PLA2G4C: variants seen among roughly 807,000 people sequenced by gnomAD.
The protein encoded by PLA2G4C is cytosolic phospholipase A2 gamma.
Under a neutral mutation model 73.8 loss-of-function variants are expected in PLA2G4C, and 64 were observed. That is an observed-to-expected ratio of 0.87 (90% CI 0.71 to 1.07). The LOEUF is 1.07. PLA2G4C is among the 50% of genes least tolerant of loss of function. The pLI is 0.00. For synonymous variants in PLA2G4C, 254 were observed against 252.1 expected (o/e 1.01, Z -0.07); for missense variants, 622 against 665.4 (o/e 0.93, Z 0.72).
Position 48,061,993 on chromosome 19 carries a change from A to C in PLA2G4C, c.1257+5T>G. 6.2e-7 allele frequency: 1 copy of C among 1,613,586 alleles called. No homozygotes were observed. Among genetic ancestry groups the C allele is most frequent in the Non-Finnish European group, 8.5e-7 (1 of 1,179,836 alleles). ...AGGACCGGCCCCAAAGCCCTTCTCG[A>C]TTACCTCGAAAGGATCTCCGGCACT... is the stretch of plus-strand genomic sequence containing the variant. On this transcript the variant is annotated splice_donor_5th_base_variant and intron_variant, in intron 14 of 16. Transcript: ENST00000599921.
chr19:48,090,166 C>T, intron 8 of PLA2G4C, 198 bp downstream of exon 8: 4 of 555,576 alleles, frequency 7.2e-6, no homozygotes, highest in Non-Finnish European at 1.3e-5. Flanking sequence ...GAGCAACATT[C>T]CTTCCAAGGG....
intron 4 of PLA2G4C, among the ~76,000 whole-genome samples, chr19:48,103,676 A>G (rs944472205): frequency 1.3e-5 from 2 of 152,190 alleles, no homozygotes; most frequent in Non-Finnish European, 2.9e-5. Flanking sequence ...AGACAGTCCT[A>G]CACGGATTAA....
At position 48,099,845 on chromosome 19, in the gene PLA2G4C, G is replaced by A; in HGVS notation, c.273C>T (p.Leu91=). The change falls in exon 5 of 17, where the codon CTC becomes CTT. Residue 91 remains leucine (L), a synonymous_variant. Coordinates refer to ENST00000599921, the MANE Select transcript of PLA2G4C (RefSeq NM_003706.3). ...VSGSTWAISS[L]YTNDGDMEAL... ...CTTCCATGTCACCATCATTGGTGTA[G>A]AGAGAAGATATTGCCCTGGAGGACA... 6.2e-7 allele frequency: 1 copy of A among 1,612,398 alleles called. No homozygotes were observed. The highest frequency in any genetic ancestry group is 1.1e-5 in the South Asian group (1 of 90,992).
chr19:48,057,224 G>A (rs1407244176), intron 14 of PLA2G4C, among the ~76,000 whole-genome samples: 1 of 151,962 alleles, frequency 6.6e-6, no homozygotes, highest in Non-Finnish European at 1.5e-5. Flanking sequence ...CAAGAAAAAG[G>A]GCATTTCTCC....
intron 9 of PLA2G4C, among the ~76,000 whole-genome samples, chr19:48,087,875 G>A (rs2031072951): frequency 6.6e-6 from 1 of 151,636 alleles, no homozygotes; most frequent in African/African-American, 2.4e-5. Context: ...CGGAGGTTGT[G>A]GGGTGAGCTG....
intron 2 of PLA2G4C, 148 bp from the exon 3 acceptor site, chr19:48,105,592 A>T (rs1406110304): frequency 1.6e-6 from 1 of 620,032 alleles, no homozygotes; most frequent in Non-Finnish European, 2.9e-6. Context: ...AAATATTCTG[A>T]AACTAGATAG....
At chr19:48,093,317 A>G (rs760248140) in intron 7 of PLA2G4C, among the ~76,000 whole-genome samples, 15 of 152,104 alleles carry the variant, frequency 9.9e-5, no homozygotes, top group Non-Finnish European at 2.1e-4. Context: ...TTCTTCATCC[A>G]TCTCCAGGTT....
At chr19:48,080,993 CA>C (rs34388817) in intron 10 of PLA2G4C, among the ~76,000 whole-genome samples, 4,925 of 102,866 alleles carry the variant, frequency 0.048, 219 homozygotes, top group African/African-American at 0.16. Context: ...ACTAAAAATA[CA>C]AAAAAAAAAA....
Position 48,098,236 on chromosome 19 carries a change from A to G in PLA2G4C, c.471T>C (p.Asn157=), listed in dbSNP as rs147177139. 1 of 1,613,042 alleles carries G rather than the reference A, an allele frequency of 6.2e-7. No homozygotes were observed. The highest frequency in any genetic ancestry group is 8.5e-7 in the Non-Finnish European group (1 of 1,179,532). Residue 157 remains asparagine (N), a synonymous_variant, in exon 6 of 17, where the codon AAT becomes AAC. Coordinates refer to ENST00000599921, the MANE Select transcript of PLA2G4C (RefSeq NM_003706.3). The part of the protein sequence containing the change: ...TRELPESHLS[N]MKKPVEEGTL... Reference sequence around the variant, plus strand: ...TCCCTTCTTCCACGGGCTTCTTCATATTGGACAAATGAGACTCCGGCAGCT... The same window carrying G: ...TCCCTTCTTCCACGGGCTTCTTCATGTTGGACAAATGAGACTCCGGCAGCT...
intron 16 of PLA2G4C, among the ~76,000 whole-genome samples, chr19:48,050,226 G>A (rs533113212): frequency 6.6e-6 from 1 of 152,156 alleles, no homozygotes; most frequent in South Asian, 2.1e-4. Context: ...GGCCTCTGTG[G>A]TACTTTTTAA....
Position 48,078,871 on chromosome 19 carries a change from CT to C in PLA2G4C, c.845-1048del, listed in dbSNP as rs33976382. 9.1e-3 allele frequency among the ~76,000 whole-genome samples: 1,253 copies of C among 137,922 alleles called. 11 individuals carry two copies. The highest frequency in any genetic ancestry group is 0.055 in the Middle Eastern group (15 of 274). The allele number at this position is 137,922 out of a possible 152,430, so 90.5% of individuals were successfully genotyped here. On this transcript the variant is annotated intron_variant, in intron 10 of 16. Coordinates refer to ENST00000599921, the MANE Select transcript of PLA2G4C (RefSeq NM_003706.3). ...TCACAGAACAAAAAATCCTAAAATC[CT>C]TTTTTTTTTTTTTTTGAGACTTAGT... is the stretch of plus-strand genomic sequence containing the variant.
At chr19:48,054,422 G>A (rs2122433193) in intron 15 of PLA2G4C, among the ~76,000 whole-genome samples, 1 of 152,088 alleles carries the variant, frequency 6.6e-6, no homozygotes, top group East Asian at 1.9e-4. Flanking sequence ...TCCTGCCTCA[G>A]CCTCCTGAGT....
At chr19:48,067,672 C>A (rs1968487745) in intron 13 of PLA2G4C, 119 bp downstream of exon 13, 2 of 742,158 alleles carry the variant, frequency 2.7e-6, no homozygotes, top group East Asian at 4.9e-5. Context: ...TGACACCACC[C>A]CCCTCCAAAG....
chr19:48,050,152 C>T (rs1303573912), intron 16 of PLA2G4C, among the ~76,000 whole-genome samples: 2 of 152,100 alleles, frequency 1.3e-5, no homozygotes, highest in African/African-American at 4.8e-5. Context: ...GAACTCCTGA[C>T]CTCATGATCT....
At position 48,072,942 on chromosome 19, in the gene PLA2G4C, T is replaced by A. The variant is rs544298247; in HGVS notation, c.1006+1825A>T. 6.6e-6 allele frequency: 1 copy of A among 152,326 alleles called. No homozygotes were observed. The highest frequency in any genetic ancestry group is 2.4e-5 in the African/African-American group (1 of 41,564). 9.4% of individuals were successfully genotyped at this position (152,326 alleles called of 1,614,324 possible). On this transcript the variant is annotated intron_variant, in intron 12 of 16. Transcript: ENST00000599921. The surrounding 1 kb of genome is among the most constrained non-coding windows in gnomAD (Gnocchi z 4.4). The stretch of plus-strand genomic sequence containing the variant: ...GGGTCATCTCAGGAAGGCAGTGGCT[T>A]CAGCGACCAACTGTCTTCATTGTCC...
chr19:48,106,031 C>T (rs776156880), intron 2 of PLA2G4C, among the ~76,000 whole-genome samples: 2 of 140,976 alleles, frequency 1.4e-5, no homozygotes, highest in Non-Finnish European at 3.0e-5. Flanking sequence ...GAGTCTCGCT[C>T]TGTTGCCCAG....
At chr19:48,078,263 C>A (rs2030304184) in intron 10 of PLA2G4C, among the ~76,000 whole-genome samples, 1 of 152,124 alleles carries the variant, frequency 6.6e-6, no homozygotes, top group Non-Finnish European at 1.5e-5. Flanking sequence ...CAACATTACA[C>A]TGAACAGGGA....
intron 10 of PLA2G4C, among the ~76,000 whole-genome samples, chr19:48,084,064 G>A (rs1048432268): frequency 2.0e-5 from 3 of 151,322 alleles, no homozygotes; most frequent in Non-Finnish European, 4.4e-5. Flanking sequence ...GTGTGTGTGT[G>A]TGTGTGTGTG....
At chr19:48,104,480 G>C in intron 4 of PLA2G4C, 108 bp downstream of exon 4, 16 of 1,061,778 alleles carry the variant, frequency 1.5e-5, no homozygotes, top group Non-Finnish European at 2.3e-5. Context: ...TAGTACCAGA[G>C]AGCTCGAGAA....
Sources: gnomAD v4.1 joint callset for allele counts (sites outside exome capture counted in the v4.1 genomes callset) on GRCh38, gnomAD v4.1.1 for gene constraint, Gnocchi (gnomAD v3.1) non-coding constraint, MANE v1.5 for transcripts, NCBI Gene and HGNC (gene_info 2026-07-23, HGNC 2026-07-21) for gene names.